Variants in ARFGEF1 observed in about 807,000 individuals in gnomAD.
The protein encoded by ARFGEF1 is brefeldin A-inhibited guanine nucleotide-exchange protein 1.
In ARFGEF1, 42 loss-of-function variants were observed where a neutral mutation model predicts 231.0. That is an observed-to-expected ratio of 0.18 (90% CI 0.14 to 0.24). The LOEUF (loss-of-function observed/expected upper bound fraction) is 0.24, where lower values mean the gene tolerates loss of function less well. Among genes scored for constraint, ARFGEF1 ranks in the 10% least tolerant of loss-of-function variants. The pLI, the probability that ARFGEF1 is intolerant of heterozygous loss-of-function variation, is 1.00. For missense variants in ARFGEF1, 1,345 were observed against 2,192.0 expected, an observed-to-expected ratio of 0.61 and a Z score of 7.72; for synonymous variants, 710 against 732.3, an observed-to-expected ratio of 0.97 and a Z score of 0.49.
intron 1 of ARFGEF1, among the ~76,000 whole-genome samples, chr8:67,341,814 T>C (rs148457047): frequency 1.3e-5 from 2 of 152,314 alleles, no homozygotes; most frequent in East Asian, 3.9e-4. Context: ...GGAACAGTCT[T>C]TTGTTAGCTA....
At chr8:67,203,651 C>T (rs1024054303) in intron 35 of ARFGEF1, among the ~76,000 whole-genome samples, 2 of 152,384 alleles carry the variant, frequency 1.3e-5, no homozygotes, top group Admixed American at 1.3e-4. Context: ...TCTAAACCAG[C>T]GGGCTCGGTG....
rs377690445 is a variant in ARFGEF1, at chr8:67,210,438, T to C, written c.4819+1045A>G. On this transcript the variant is annotated intron_variant, in intron 34 of 38. Coordinates refer to ENST00000262215, the MANE Select transcript of ARFGEF1 (RefSeq NM_006421.5). ...AGGCTGCAGTGAGCCGAGATCACAC[T>C]CCAGCCTGGGTGACAGAGTGAGACT... Among the ~76,000 whole-genome samples, 35 of 151,940 alleles carry C rather than the reference T, an allele frequency of 2.3e-4. No homozygotes were observed. The East Asian group carries it at 6.4e-3, about 28-fold the overall frequency.
intron 1 of ARFGEF1, among the ~76,000 whole-genome samples, chr8:67,311,144 C>T (rs1455443384): frequency 6.8e-6 from 1 of 148,016 alleles, no homozygotes; most frequent in Non-Finnish European, 1.5e-5. Context: ...CCAGCTGCCC[C>T]GTCTGGGAGG....
At chr8:67,190,730 A>G (rs1835986082) in intron 5 of ARFGEF1, 1 of 1,613,632 alleles carries the variant, frequency 6.2e-7, no homozygotes, top group East Asian at 2.2e-5. Context: ...ACGGGAGCGC[A>G]GGAGGAACAA....
intron 8 of ARFGEF1, among the ~76,000 whole-genome samples, chr8:67,276,634 A>G (rs1395272611): frequency 1.3e-5 from 2 of 152,164 alleles, no homozygotes; most frequent in Non-Finnish European, 2.9e-5. Context: ...AGGAAGGAGG[A>G]AAAGAACCTG....
chr8:67,228,614 T>C (rs992112617), intron 23 of ARFGEF1, among the ~76,000 whole-genome samples: 42 of 152,112 alleles, frequency 2.8e-4, no homozygotes, highest in African/African-American at 9.9e-4. Context: ...ACAGATTCTT[T>C]CCTGATTATT....
chr8:67,297,225 C>G (rs1806275183), intron 4 of ARFGEF1, among the ~76,000 whole-genome samples: 1 of 152,144 alleles, frequency 6.6e-6, no homozygotes, highest in South Asian at 2.1e-4. Flanking sequence ...AGCATGAAAG[C>G]TGTTACAGCA....
At chr8:67,313,709 G>A (rs914340817) in intron 1 of ARFGEF1, among the ~76,000 whole-genome samples, 3 of 152,142 alleles carry the variant, frequency 2.0e-5, no homozygotes, top group Admixed American at 6.5e-5. Context: ...AGCTTTGATG[G>A]TTTAACGCTC....
intron 19 of ARFGEF1, among the ~76,000 whole-genome samples, chr8:67,243,117 T>C (rs770594316): frequency 1.2e-4 from 18 of 152,248 alleles, no homozygotes; most frequent in East Asian, 3.8e-4. Context: ...CTGAATGTTA[T>C]TGAAGACCAC....
chr8:67,239,197 G>A lies in ARFGEF1; in HGVS notation c.2980-304C>T, dbSNP rs527694442. Among the ~76,000 whole-genome samples the A allele has an allele frequency of 1.1e-4, 16 of 151,642 alleles. No individual in the cohort carries two copies. The East Asian group carries it at 2.3e-3, about 22-fold the overall frequency. On this transcript the variant is annotated intron_variant, in intron 20 of 38. Coordinates refer to ENST00000262215, the MANE Select transcript of ARFGEF1 (RefSeq NM_006421.5). ...AATTTTTTGTATCTTTAGTAGAGAC[G>A]GGGTTTCACCATGTTGGCCAGGCTG... is the stretch of plus-strand genomic sequence containing the variant.
chr8:67,237,648 T>A (rs1022162799), intron 22 of ARFGEF1, among the ~76,000 whole-genome samples: 2 of 152,200 alleles, frequency 1.3e-5, no homozygotes, highest in African/African-American at 4.8e-5. Flanking sequence ...TATATATTCT[T>A]ATTTAATCCT....
chr8:67,195,074 T>TTGAC (rs1288666481), downstream of ARFGEF1, among the ~76,000 whole-genome samples: 1 of 152,210 alleles, frequency 6.6e-6, no homozygotes, highest in African/African-American at 2.4e-5. Context: ...ATTCCTCCTG[T>TTGAC]TGACTTTGTT....
At chr8:67,309,939 C>A (rs1318758615) in intron 1 of ARFGEF1, among the ~76,000 whole-genome samples, 3 of 152,142 alleles carry the variant, frequency 2.0e-5, no homozygotes, top group Non-Finnish European at 1.5e-5. Flanking sequence ...AATCATAATA[C>A]TAGTCATAAG....
downstream of ARFGEF1, chr8:67,195,344 CTGTGTTACCTGAGCCACG>C: frequency 7.2e-7 from 1 of 1,382,908 alleles, no homozygotes; most frequent in Non-Finnish European, 1.0e-6. Flanking sequence ...TGCCTGCCAC[CTGTGTTACCTGAGCCACG>C]TGTCCCTTGC....
Position 67,343,432 on chromosome 8 carries a change from G to C in ARFGEF1, c.-145C>G, listed in dbSNP as rs1310759884. The C allele has an allele frequency of 2.9e-6, 4 of 1,400,096 alleles. No homozygotes were observed. Among genetic ancestry groups the C allele is most frequent in the Non-Finnish European group, 3.7e-6 (4 of 1,073,354 alleles). The allele number at this position is 1,400,096 out of a possible 1,614,324, so 86.7% of individuals were successfully genotyped here. A position where few individuals can be genotyped will look rare whatever the true frequency, so the allele number is the denominator to read the frequency against. ...GGCGTGGAGGGCAGCGGCAGGATCA[G>C]GAAGGGGCGGGCGAGCGGGACCAGC... On this transcript the variant is annotated 5_prime_UTR_variant, in exon 1 of 39. Transcript: ENST00000262215.
intron 18 of ARFGEF1, among the ~76,000 whole-genome samples, chr8:67,252,943 A>G (rs1045168833): frequency 1.1e-4 from 17 of 151,638 alleles, no homozygotes; most frequent in African/African-American, 3.6e-4. Context: ...GAAGAAGAAA[A>G]AATGACAAGG....
intron 19 of ARFGEF1, among the ~76,000 whole-genome samples, chr8:67,241,887 A>G (rs975925681): frequency 6.6e-6 from 1 of 152,148 alleles, no homozygotes; most frequent in African/African-American, 2.4e-5. Context: ...CTGCAGAGAG[A>G]AAATCTGTGT....
At chr8:67,208,683 G>C (rs1397568833) in intron 34 of ARFGEF1, among the ~76,000 whole-genome samples, 1 of 150,280 alleles carries the variant, frequency 6.7e-6, no homozygotes, top group Non-Finnish European at 1.5e-5. Flanking sequence ...AGACAACATT[G>C]GGGGAAATGC....
downstream of ARFGEF1, among the ~76,000 whole-genome samples, chr8:67,196,642 G>GAT (rs1837992965): frequency 6.6e-6 from 1 of 152,100 alleles, no homozygotes; most frequent in Admixed American, 6.5e-5. Flanking sequence ...ATTTTTATTT[G>GAT]ATTTTCTAAT....
Sources: allele counts gnomAD v4.1 joint callset (sites outside exome capture counted in the v4.1 genomes callset), GRCh38; gene constraint gnomAD v4.1.1; transcripts MANE v1.5; gene names NCBI Gene and HGNC (gene_info 2026-07-23, HGNC 2026-07-21).